The following LUZP1 variants were observed in gnomAD, a reference collection of about 807,000 sequenced individuals.
LUZP1 encodes leucine zipper protein 1.
LUZP1 carries 25 observed loss-of-function variants against 71.3 expected under a neutral mutation model. The observed-to-expected ratio is 0.35, with a 90% CI of 0.26 to 0.49. The LOEUF is 0.49. LUZP1 is among the 20% of genes least tolerant of loss of function. The pLI is 0.99. For synonymous variants in LUZP1, 481 were observed against 506.4 expected, an observed-to-expected ratio of 0.95 and a Z score of 0.67; for missense variants, 1,142 against 1,300.8, an observed-to-expected ratio of 0.88 and a Z score of 1.88.
intron 2 of LUZP1, among the ~76,000 whole-genome samples, chr1:23,127,557 T>C (rs919156938): frequency 1.3e-5 from 2 of 152,214 alleles, no homozygotes; most frequent in African/African-American, 4.8e-5. Context: ...GGAGTCTCGC[T>C]CTGTGGCCCA....
chr1:23,124,073 A>G (rs944889122), intron 2 of LUZP1, among the ~76,000 whole-genome samples: 1 of 152,038 alleles, frequency 6.6e-6, no homozygotes, highest in African/African-American at 2.4e-5. Flanking sequence ...GAAAAAAAAA[A>G]TTTTTGCCCT....
At chr1:23,147,396 G>A (rs1180288745) in intron 2 of LUZP1, among the ~76,000 whole-genome samples, 13 of 149,278 alleles carry the variant, frequency 8.7e-5, no homozygotes, top group Non-Finnish European at 1.5e-4. Flanking sequence ...AGCCGAGATC[G>A]CACCACTGCA....
At chr1:23,118,077 G>A (rs148708841) in intron 2 of LUZP1, among the ~76,000 whole-genome samples, 3 of 151,244 alleles carry the variant, frequency 2.0e-5, no homozygotes, top group African/African-American at 4.9e-5. Context: ...GCGACAGAGC[G>A]AGACTCCATC....
intron 2 of LUZP1, among the ~76,000 whole-genome samples, chr1:23,128,240 A>G (rs1644187899): frequency 6.6e-6 from 1 of 152,194 alleles, no homozygotes; most frequent in East Asian, 1.9e-4. Context: ...AACTGGGTTT[A>G]TTCCAAAATG....
chr1:23,099,351 T>C (rs541822639), intron 3 of LUZP1, among the ~76,000 whole-genome samples: 3 of 152,346 alleles, frequency 2.0e-5, no homozygotes, highest in South Asian at 2.1e-4. Context: ...ACAAATGATA[T>C]ATGATTCATC....
intron 4 of LUZP1, among the ~76,000 whole-genome samples, chr1:23,089,523 T>G (rs1277174255): frequency 2.0e-5 from 3 of 152,118 alleles, no homozygotes; most frequent in African/African-American, 7.2e-5. Flanking sequence ...CCGTCTCTCA[T>G]CCTTTATCTC....
At chr1:23,103,779 GTACA>G (rs1473973675) in intron 3 of LUZP1, among the ~76,000 whole-genome samples, 4 of 148,036 alleles carry the variant, frequency 2.7e-5, no homozygotes, top group Non-Finnish European at 6.0e-5. Flanking sequence ...ACAGTGCCTA[GTACA>G]TAAAGAGTAT....
intron 2 of LUZP1, among the ~76,000 whole-genome samples, chr1:23,128,712 G>A (rs1465171956): frequency 6.6e-6 from 1 of 152,146 alleles, no homozygotes; most frequent in African/African-American, 2.4e-5. Context: ...GCAGAGAACT[G>A]GGATACAGAC....
chr1:23,112,174 C>T (rs1206421270), intron 2 of LUZP1, among the ~76,000 whole-genome samples: 3 of 152,188 alleles, frequency 2.0e-5, no homozygotes, highest in Non-Finnish European at 2.9e-5. Flanking sequence ...CCATTTACTT[C>T]TTGCTTCCTC....
In LUZP1 at chr1:23,092,375, T is replaced by C. The variant is rs755959455; in HGVS notation, c.1887A>G (p.Gln629=). 4.3e-6 allele frequency: 7 copies of C among 1,614,092 alleles called. No homozygotes were observed. The South Asian group carries it at 4.4e-5, about 10-fold the overall frequency. Reference sequence around the variant, plus strand: ...TGTCTTCCATCACAACTGCTGCAGGTTGATTAACCCCTTCTTTATGTGAGG... The same window carrying C: ...TGTCTTCCATCACAACTGCTGCAGGCTGATTAACCCCTTCTTTATGTGAGG... Residue 629 remains glutamine (Q), a synonymous_variant, in exon 4 of 5, where the codon CAA becomes CAG. Coordinates refer to ENST00000302291, the Ensembl canonical transcript of LUZP1.
At chr1:23,113,677 C>A (rs776847540) in intron 2 of LUZP1, among the ~76,000 whole-genome samples, 1 of 151,842 alleles carries the variant, frequency 6.6e-6, no homozygotes, top group African/African-American at 2.4e-5. Flanking sequence ...ATCAGGAGAT[C>A]GGGACCATTC....
chr1:23,091,086 C>A, intron 4 of LUZP1, 104 bp downstream of exon 3: 1 of 1,217,376 alleles, frequency 8.2e-7, no homozygotes, highest in Middle Eastern at 1.9e-4. Flanking sequence ...CTACTCAGTT[C>A]TCAAGATCCT....
intron 2 of LUZP1, among the ~76,000 whole-genome samples, chr1:23,141,846 AT>A (rs58129873): frequency 0.18 from 25,732 of 142,886 alleles, 2,255 homozygotes; most frequent in Middle Eastern, 0.31. Flanking sequence ...TGCCCAGCTA[AT>A]TTTTTTTTTT....
At position 23,093,977 on chromosome 1, in the gene LUZP1, T is replaced by C. The variant is rs146155105; in HGVS notation, c.285A>G (p.Lys95=). The C allele has an allele frequency of 6.2e-7, 1 of 1,614,060 alleles. No individual in the cohort carries two copies. The highest frequency in any genetic ancestry group is 1.3e-5 in the African/African-American group (1 of 74,934). The change falls in exon 4 of 5, where the codon AAA becomes AAG. Residue 95 remains lysine, a synonymous_variant. Coordinates refer to ENST00000302291, the Ensembl canonical transcript of LUZP1. The surrounding 1 kb of genome is among the most constrained non-coding windows in gnomAD (Gnocchi z 4.2). ...GGGTGAGGTTTTCTTCCTCTTCAAG[T>C]TTCTCCTTCATCAGACGACACAGAT...
exon 4 of LUZP1, chr1:23,091,274 G>A (rs1210222663): frequency 7.4e-6 from 12 of 1,613,916 alleles, no homozygotes; most frequent in Non-Finnish European, 1.0e-5. Context: ...ACACAGTGAG[G>A]CTACTTTGGG....
chr1:23,174,040 A>G (rs1465669590), intron 1 of LUZP1, among the ~76,000 whole-genome samples: 1 of 152,056 alleles, frequency 6.6e-6, no homozygotes, highest in African/African-American at 2.4e-5. Context: ...AAACAGAACC[A>G]ATAGGAGTAT....
chr1:23,172,797 G>A (rs1644559785), intron 1 of LUZP1, among the ~76,000 whole-genome samples: 2 of 151,494 alleles, frequency 1.3e-5, no homozygotes, highest in Non-Finnish European at 2.9e-5. Context: ...TTGCAGGCGT[G>A]AGCCACCATG....
chr1:23,111,535 T>C (rs996656783), intron 2 of LUZP1, among the ~76,000 whole-genome samples: 2 of 152,166 alleles, frequency 1.3e-5, no homozygotes, highest in Non-Finnish European at 2.9e-5. Flanking sequence ...CACTCCAGCT[T>C]AGATGACAGA....
intron 2 of LUZP1, among the ~76,000 whole-genome samples, chr1:23,122,533 G>A (rs2124669636): frequency 6.6e-6 from 1 of 152,306 alleles, no homozygotes; most frequent in East Asian, 1.9e-4. Flanking sequence ...CAGAACTACA[G>A]CAGTTAAGCC....
Sources: allele counts gnomAD v4.1 joint callset (sites outside exome capture counted in the v4.1 genomes callset), GRCh38; gene constraint gnomAD v4.1.1; non-coding constraint Gnocchi (gnomAD v3.1); transcripts MANE v1.5; gene names NCBI Gene and HGNC (gene_info 2026-07-23, HGNC 2026-07-21).